The following NUP107 variants were observed in gnomAD, a reference collection of about 807,000 sequenced individuals.
NUP107 encodes nucleoporin 107.
Under a neutral mutation model 141.0 loss-of-function variants are expected in NUP107, and 101 were observed. The ratio of observed to expected loss-of-function variants is 0.72; its 90% CI spans 0.61 to 0.84. The LOEUF (loss-of-function observed/expected upper bound fraction) is 0.84. Ranked by LOEUF, NUP107 falls within the 40% of genes least tolerant of loss-of-function variation. The probability of loss-of-function intolerance (pLI) is 0.00; values close to 1 mark genes in which losing one functional copy is unlikely to be tolerated. For synonymous variants in NUP107, 319 were observed against 363.9 expected (o/e 0.88, Z 1.41); for missense variants, 941 against 1,102.7 (o/e 0.85, Z 2.08).
chr12:68,731,836 G>A, intron 22 of NUP107, 117 bp downstream of exon 22: 1 of 598,232 alleles, frequency 1.7e-6, no homozygotes, highest in Non-Finnish European at 2.9e-6. Flanking sequence ...TTTTAAGAAT[G>A]TGTCTTTGTC....
At chr12:68,705,555 ATC>A in intron 8 of NUP107, 10 of 257,730 alleles carry the variant, frequency 3.9e-5, no homozygotes, top group East Asian at 1.9e-4. Context: ...AAAAAAAAGA[ATC>A]ACCAAGAAGC....
At chr12:68,710,739 A>G (rs953902253) in intron 10 of NUP107, among the ~76,000 whole-genome samples, 2 of 152,110 alleles carry the variant, frequency 1.3e-5, no homozygotes, top group African/African-American at 4.8e-5. Context: ...ATTTAAAAAT[A>G]TAGTATAATA....
chr12:68,726,685 A>C lies in NUP107; in HGVS notation c.1695+68A>C, dbSNP rs564185248. On this transcript the variant is annotated intron_variant, in intron 19 of 27. Coordinates refer to ENST00000229179, the MANE Select transcript of NUP107 (RefSeq NM_020401.4). ...GCTATATACCTATTGTCAAGAAAACACTACTTTTTTTATTATTGTTTTCTA... is the reference window on the plus strand; with the variant it reads ...GCTATATACCTATTGTCAAGAAAACCCTACTTTTTTTATTATTGTTTTCTA... 4.9e-4 allele frequency: 477 copies of C among 971,694 alleles called. 9 individuals are homozygous for C. The South Asian group carries it at 6.1e-3, about 12-fold the overall frequency. The allele number at this position is 971,694 out of a possible 1,614,324, so 60.2% of individuals were successfully genotyped here.
Position 68,741,936 on chromosome 12 carries a change from C to G in NUP107, c.2626C>G (p.Gln876Glu). The change falls in exon 27 of 28, where the codon CAG becomes GAG. Residue 876 changes from glutamine (Q) to glutamate (E), a missense_variant. By Grantham distance (29) the Gln-to-Glu change is conservative. Coordinates refer to ENST00000229179, the MANE Select transcript of NUP107 (RefSeq NM_020401.4). ...TACTGGTCAGTATCAGGAATGCCTA[C>G]AGTTAGCAGATATGGTATCCTCTGA... ...HSTGQYQECL[Q>E]LADMVSSERH... 16 of 1,613,042 alleles carry G rather than the reference C, an allele frequency of 9.9e-6. No individual in the cohort carries two copies. The highest frequency in any genetic ancestry group is 1.4e-5 in the Non-Finnish European group (16 of 1,179,394).
chr12:68,721,701 T>A (rs1877356081), intron 15 of NUP107, 140 bp from the exon 16 acceptor site: 3 of 777,206 alleles, frequency 3.9e-6, no homozygotes, highest in Non-Finnish European at 4.0e-6. Context: ...GAAAGGTTAT[T>A]TGGCATAATT....
rs759164696 is a variant in NUP107, at chr12:68,742,617, AG to A, written c.*158del. On this transcript the variant is annotated 3_prime_UTR_variant, in exon 28 of 28. Coordinates refer to ENST00000229179, the MANE Select transcript of NUP107 (RefSeq NM_020401.4). ...TATTATCGTGACACTTTCAACATGT[AG>A]GGATATCAGCGTTTCTCTGTGTGCT... is the stretch of plus-strand genomic sequence containing the variant. The A allele has an allele frequency of 4.9e-6, 2 of 409,966 alleles. No homozygotes were observed. Among genetic ancestry groups the A allele is most frequent in the Non-Finnish European group, 8.8e-6 (2 of 227,710 alleles). The allele number at this position is 409,966 out of a possible 1,614,324, so 25.4% of individuals were successfully genotyped here.
rs975224022 is a variant in NUP107, at chr12:68,742,764, T to A, written c.*302T>A. On this transcript the variant is annotated 3_prime_UTR_variant, in exon 28 of 28. Coordinates refer to ENST00000229179, the MANE Select transcript of NUP107 (RefSeq NM_020401.4). ...TAGTTTTTTCTGTAATCATAAGCAT[T>A]CTGATATTTTAAAATCATAAAGATG... is the stretch of plus-strand genomic sequence containing the variant. 1.9e-5 allele frequency: 3 copies of A among 159,412 alleles called. No homozygotes were observed. The highest frequency in any genetic ancestry group is 2.4e-5 in the African/African-American group (1 of 41,754). 9.9% of individuals were successfully genotyped at this position (159,412 alleles called of 1,614,324 possible).
chr12:68,723,713 A>T (rs1325602073), intron 17 of NUP107, among the ~76,000 whole-genome samples: 1 of 152,170 alleles, frequency 6.6e-6, no homozygotes, highest in Non-Finnish European at 1.5e-5. Flanking sequence ...CAAATGTCAC[A>T]CTTTTTATGT....
chr12:68,693,189 T>G (rs1875900370), intron 5 of NUP107, among the ~76,000 whole-genome samples: 1 of 152,072 alleles, frequency 6.6e-6, no homozygotes, highest in Non-Finnish European at 1.5e-5. Context: ...GTGATTCTCC[T>G]GCCTCAGTCT....
intron 20 of NUP107, among the ~76,000 whole-genome samples, chr12:68,727,894 A>G (rs992686438): frequency 2.0e-5 from 3 of 152,182 alleles, no homozygotes; most frequent in African/African-American, 4.8e-5. Flanking sequence ...TTTATGCAGA[A>G]GTGGACCTGC....
Position 68,688,973 on chromosome 12 carries a change from G to C in NUP107, c.20G>C (p.Gly7Ala), listed in dbSNP as rs1463067561. 1 of 1,612,524 alleles carries C rather than the reference G, an allele frequency of 6.2e-7. No individual in the cohort carries two copies. Among genetic ancestry groups the C allele is most frequent in the Non-Finnish European group, 8.5e-7 (1 of 1,178,970 alleles). Residue 7 changes from glycine (G) to alanine (A), a missense_variant, in exon 2 of 28, where the codon GGA (glycine) becomes GCA (alanine). Physicochemically the swap from Gly to Ala is moderately conservative, Grantham distance 60. Transcript: ENST00000229179. MDRSGF[G>A]EISSPVIREA... ...TTATACTACTTTAGGAGTGGCTTTG[G>C]AGAGATATCATCCCCTGTAATCCGG...
At chr12:68,706,623 G>A (rs1876594349) in intron 8 of NUP107, 1 of 709,548 alleles carries the variant, frequency 1.4e-6, no homozygotes, top group Non-Finnish European at 2.6e-6. Context: ...GGCTTCCCTG[G>A]AGGCCGCCAT....
chr12:68,738,574 A>G (rs1878177790), intron 26 of NUP107, among the ~76,000 whole-genome samples: 1 of 152,088 alleles, frequency 6.6e-6, no homozygotes, highest in Admixed American at 6.5e-5. Context: ...TTGGCCAGCC[A>G]CCCTTGTACA....
rs1473034869 is a variant in NUP107 at position 68,689,610 on chromosome 12, C to A, written c.178C>A (p.Arg60=). 6.2e-7 allele frequency: 1 copy of A among 1,607,256 alleles called. No homozygotes were observed. The highest frequency in any genetic ancestry group is 2.2e-5 in the East Asian group (1 of 44,636). ...QVIPRTPSSF[R]QPFTPTSRSL... ...TATCCCTCGAACTCCTAGCTCATTTCGACAGCCTTGTAAGATTTTTTGCTT... is the reference window on the plus strand; with the variant it reads ...TATCCCTCGAACTCCTAGCTCATTTAGACAGCCTTGTAAGATTTTTTGCTT... The change falls in exon 3 of 28, where the codon CGA becomes AGA. Residue 60 remains arginine, a synonymous_variant. Coordinates refer to ENST00000229179, the MANE Select transcript of NUP107 (RefSeq NM_020401.4).
intron 12 of NUP107, among the ~76,000 whole-genome samples, chr12:68,716,422 A>C (rs926104414): frequency 6.7e-6 from 1 of 148,748 alleles, no homozygotes; most frequent in Non-Finnish European, 1.5e-5. Flanking sequence ...GTACAGACGG[A>C]GTCTTACTAT....
intron 26 of NUP107, 58 bp from the exon 27 acceptor site, chr12:68,741,754 CT>C: frequency 6.6e-7 from 1 of 1,517,322 alleles, no homozygotes; most frequent in East Asian, 2.3e-5. Context: ...CCTGGCTTTT[CT>C]TTTTGTAAGG....
chr12:68,692,208 T>G (rs1875832721), intron 5 of NUP107, 96 bp downstream of exon 5: 1 of 1,253,346 alleles, frequency 8.0e-7, no homozygotes, highest in African/African-American at 1.5e-5. Flanking sequence ...TATGTTTTTC[T>G]TTTCTTTCTT....
In NUP107 at chr12:68,690,850, G is replaced by A. The variant is rs1472947939; in HGVS notation, c.303+104G>A. The A allele has an allele frequency of 8.8e-6, 10 of 1,133,106 alleles. No homozygotes were observed. In the South Asian group the frequency reaches 1.2e-4, roughly 14 times the overall value. 70.2% of individuals were successfully genotyped at this position (1,133,106 alleles called of 1,614,324 possible). On this transcript the variant is annotated intron_variant, in intron 4 of 27. Transcript: ENST00000229179. ...ACTCCTGACCTCAAGTGATTCTCCC[G>A]CCTTGGCCTCCCAGAAGTCAGGAGT...
intron 24 of NUP107, 82 bp from the exon 25 acceptor site, chr12:68,734,626 C>A: frequency 9.3e-7 from 1 of 1,076,692 alleles, no homozygotes; most frequent in Non-Finnish European, 1.3e-6. Flanking sequence ...TTCTAAGAAT[C>A]AAATGTTAAA....
Sources: gnomAD v4.1 joint callset for allele counts (sites outside exome capture counted in the v4.1 genomes callset) on GRCh38, gnomAD v4.1.1 for gene constraint, MANE v1.5 for transcripts, NCBI Gene and HGNC (gene_info 2026-07-23, HGNC 2026-07-21) for gene names.